The following FBXO36 variants were observed in gnomAD, a reference collection of about 807,000 sequenced individuals.
The protein encoded by FBXO36 is F-box protein 36.
In FBXO36, 18 loss-of-function variants were observed where a neutral mutation model predicts 17.0. The observed-to-expected ratio is 1.06, with a 90% CI of 0.73 to 1.57. The LOEUF (loss-of-function observed/expected upper bound fraction) is 1.57, where lower values mean the gene tolerates loss of function less well. FBXO36 is among the 40% of genes most tolerant of loss of function. FBXO36 has a pLI of 0.00. For synonymous variants in FBXO36, 83 were observed against 85.3 expected (o/e 0.97, Z 0.15); for missense variants, 229 against 221.9 (o/e 1.03, Z -0.20).
At chr2:229,953,991 A>G (rs2077070718) in intron 1 of FBXO36, among the ~76,000 whole-genome samples, 3 of 151,960 alleles carry the variant, frequency 2.0e-5, no homozygotes, top group Admixed American at 2.0e-4. Flanking sequence ...TCAGCCTTCC[A>G]AGTAGCTGGG....
At chr2:229,964,741 G>A (rs534221346) in intron 1 of FBXO36, among the ~76,000 whole-genome samples, 4 of 152,224 alleles carry the variant, frequency 2.6e-5, no homozygotes, top group African/African-American at 9.6e-5. Context: ...GGCTGGTCTC[G>A]AACTCCTGAC....
intron 2 of FBXO36, among the ~76,000 whole-genome samples, chr2:229,980,516 A>G (rs1174340503): frequency 2.0e-5 from 3 of 152,076 alleles, no homozygotes; most frequent in Non-Finnish European, 4.4e-5. Context: ...AAAGCCTCCC[A>G]CTGCCTTCTG....
Position 229,937,960 on chromosome 2 carries a change from GGTTTGTTTGTTT to G in FBXO36, c.96+15364_96+15375del, listed in dbSNP as rs373928198. The G allele has an allele frequency of 2.0e-5, 3 of 152,120 alleles. 1 individual carries two copies. Among genetic ancestry groups the G allele is most frequent in the South Asian group, 4.2e-4 (2 of 4,812 alleles). 9.4% of individuals were successfully genotyped at this position (152,120 alleles called of 1,614,324 possible). A position where few individuals can be genotyped will look rare whatever the true frequency, so the allele number is the denominator to read the frequency against. Reference sequence around the variant, plus strand: ...TATGTTTATCTGATCAGTATCTTTTGGTTTGTTTGTTTGTTTGTTTGTTTTTTAGACAGTCTC... The same window carrying G: ...TATGTTTATCTGATCAGTATCTTTTGGTTTGTTTGTTTTTTAGACAGTCTC... On this transcript the variant is annotated intron_variant, in intron 1 of 3. Coordinates refer to ENST00000283946, the MANE Select transcript of FBXO36 (RefSeq NM_174899.5).
chr2:229,962,645 C>T (rs968519853), intron 1 of FBXO36, among the ~76,000 whole-genome samples: 18 of 151,710 alleles, frequency 1.2e-4, no homozygotes, highest in Admixed American at 2.0e-4. Flanking sequence ...GCTGGGATTA[C>T]AAGCATGAGC....
At chr2:229,961,330 AT>A (rs1033576471) in intron 1 of FBXO36, among the ~76,000 whole-genome samples, 6 of 151,630 alleles carry the variant, frequency 4.0e-5, no homozygotes, top group East Asian at 3.9e-4. Context: ...GCAAGACACA[AT>A]TTTTTTTCCC....
chr2:229,938,216 CTTTTTT>C (rs71049603), intron 1 of FBXO36, among the ~76,000 whole-genome samples: 5 of 73,256 alleles, frequency 6.8e-5, no homozygotes, highest in Admixed American at 1.9e-4. Context: ...ATACAACTTT[CTTTTTT>C]TTTTTTTTTT....
At chr2:229,972,658 G>C (rs971724928) in intron 1 of FBXO36, among the ~76,000 whole-genome samples, 2 of 151,538 alleles carry the variant, frequency 1.3e-5, no homozygotes, top group Non-Finnish European at 1.5e-5. Flanking sequence ...AGTGGGATGA[G>C]TATCATCCCA....
chr2:229,978,360 A>T (rs2077220948), intron 2 of FBXO36, among the ~76,000 whole-genome samples: 1 of 152,050 alleles, frequency 6.6e-6, no homozygotes, highest in Non-Finnish European at 1.5e-5. Context: ...AGGTGGGCAG[A>T]TCACCTGAGG....
intron 1 of FBXO36, among the ~76,000 whole-genome samples, chr2:229,971,707 G>A (rs1490509729): frequency 6.7e-6 from 1 of 149,974 alleles, no homozygotes; most frequent in Non-Finnish European, 1.5e-5. Flanking sequence ...TTTTTTTCTT[G>A]AGATAAGGTC....
At chr2:229,985,025 C>A (rs1214518416) in intron 2 of FBXO36, among the ~76,000 whole-genome samples, 1 of 152,098 alleles carries the variant, frequency 6.6e-6, no homozygotes, top group African/African-American at 2.4e-5. Context: ...TTGCAGAATT[C>A]AGGGTTAACG....
intron 2 of FBXO36, among the ~76,000 whole-genome samples, chr2:229,984,932 C>T (rs1181429338): frequency 6.6e-6 from 1 of 151,970 alleles, no homozygotes; most frequent in East Asian, 1.9e-4. Flanking sequence ...ATATGGATTC[C>T]TACAGGGGGA....
At chr2:229,956,045 T>C (rs1353084961) in intron 1 of FBXO36, among the ~76,000 whole-genome samples, 2 of 152,234 alleles carry the variant, frequency 1.3e-5, no homozygotes, top group African/African-American at 4.8e-5. Context: ...TGGGATTCAG[T>C]CCAAAGCACT....
At chr2:229,994,236 G>A (rs1247052465) in intron 2 of FBXO36, among the ~76,000 whole-genome samples, 1 of 152,150 alleles carries the variant, frequency 6.6e-6, no homozygotes, top group African/African-American at 2.4e-5. Flanking sequence ...CTGGTGGGCA[G>A]AGGATCTTCA....
At chr2:229,937,840 G>A (rs1158954213) in intron 1 of FBXO36, 1 of 152,024 alleles carries the variant, frequency 6.6e-6, no homozygotes, top group African/African-American at 2.4e-5. Context: ...GCTAATCTCT[G>A]TATCGTTTCA....
intron 2 of FBXO36, among the ~76,000 whole-genome samples, chr2:229,990,954 C>G (rs73105407): frequency 0.025 from 3,761 of 151,746 alleles, 177 homozygotes; most frequent in African/African-American, 0.086. Flanking sequence ...TCCCCTCCCC[C>G]GCCCCGAGTT....
At chr2:229,954,930 A>G (rs1479035908) in intron 1 of FBXO36, among the ~76,000 whole-genome samples, 1 of 149,012 alleles carries the variant, frequency 6.7e-6, no homozygotes, top group Non-Finnish European at 1.5e-5. Context: ...GCTCACTGCA[A>G]CCTCTGTCTC....
rs553270363 is a variant in FBXO36 at position 229,979,350 on chromosome 2, G to GTATA, written c.205+3013_205+3016dup. Among the ~76,000 whole-genome samples the GTATA allele has an allele frequency of 5.6e-3, 833 of 148,948 alleles. 6 individuals are homozygous for GTATA. The highest frequency in any genetic ancestry group is 0.02 in the African/African-American group (796 of 40,686). The stretch of plus-strand genomic sequence containing the variant: ...CCATATAAATATATATAGTGTGTGT[G>GTATA]TATATATATATATATGTATGTGATA... On this transcript the variant is annotated intron_variant, in intron 2 of 3. Transcript: ENST00000283946.
intron 1 of FBXO36, among the ~76,000 whole-genome samples, chr2:229,965,880 T>C (rs1001636245): frequency 2.0e-5 from 3 of 152,180 alleles, no homozygotes; most frequent in Admixed American, 2.0e-4. Context: ...TTACAATCCT[T>C]TGGGTATATA....
chr2:229,923,139 A>C (rs1265020261), intron 1 of FBXO36: 2 of 153,790 alleles, frequency 1.3e-5, no homozygotes, highest in Non-Finnish European at 2.9e-5. Context: ...GACGATTGGG[A>C]GCTCTTACCT....
Sources: allele counts gnomAD v4.1 joint callset (sites outside exome capture counted in the v4.1 genomes callset), GRCh38; gene constraint gnomAD v4.1.1; transcripts MANE v1.5; gene names NCBI Gene and HGNC (gene_info 2026-07-23, HGNC 2026-07-21).